AXDND1: variants seen among roughly 807,000 people sequenced by gnomAD.
AXDND1 encodes the protein axonemal dynein light chain domain containing 1.
A neutral mutation model predicts 137.5 loss-of-function variants in AXDND1; 110 were observed. That is an observed-to-expected ratio of 0.80 (90% CI 0.69 to 0.94). AXDND1 has a LOEUF of 0.94. Among genes scored for constraint, AXDND1 ranks in the 40% least tolerant of loss-of-function variants. The pLI is 0.00. For synonymous variants in AXDND1, 414 were observed against 399.7 expected (o/e 1.04, Z -0.43); for missense variants, 1,191 against 1,169.8 (o/e 1.02, Z -0.26).
intron 21 of AXDND1, among the ~76,000 whole-genome samples, chr1:179,514,636 A>G (rs931384648): frequency 1.3e-5 from 2 of 152,074 alleles, no homozygotes; most frequent in South Asian, 2.1e-4. Context: ...TTTTGTGTTG[A>G]TGTCCTGTCT....
rs2125708884 is a variant in AXDND1, at chr1:179,534,788, C to G, written c.2857C>G (p.Leu953Val). ...GAAGTTTGAAGATGCATATGAGAAACTTCATCATACCCTTATAAAAAATAA... is the reference window on the plus strand; with the variant it reads ...GAAGTTTGAAGATGCATATGAGAAAGTTCATCATACCCTTATAAAAAATAA... ...EEKFEDAYEK[L>V]HHTLIKNKDL... Residue 953 changes from leucine (L) to valine (V), a missense_variant, in exon 25 of 26, where the codon CTT (leucine) becomes GTT (valine). Leu to Val is a conservative substitution (Grantham distance 32). Coordinates refer to ENST00000367618, the MANE Select transcript of AXDND1 (RefSeq NM_144696.6). The G allele has an allele frequency of 2.5e-6, 4 of 1,603,082 alleles. No individual in the cohort carries two copies. The highest frequency in any genetic ancestry group is 3.4e-6 in the Non-Finnish European group (4 of 1,177,640).
chr1:179,461,392 C>T (rs531231866), intron 16 of AXDND1, among the ~76,000 whole-genome samples: 10 of 152,022 alleles, frequency 6.6e-5, no homozygotes, highest in Admixed American at 5.2e-4. Flanking sequence ...AGGGCTCTGT[C>T]CTGTTCCATT....
intron 21 of AXDND1, among the ~76,000 whole-genome samples, chr1:179,520,269 T>G (rs1043810901): frequency 6.6e-6 from 1 of 152,232 alleles, no homozygotes; most frequent in African/African-American, 2.4e-5. Context: ...GTTTATCAGC[T>G]TAAGAAGCTT....
At chr1:179,533,772 A>C in intron 23 of AXDND1, 23 bp from the exon 24 acceptor site, 1 of 1,554,688 alleles carries the variant, frequency 6.4e-7, no homozygotes, top group Non-Finnish European at 8.9e-7. Context: ...CAGTTCATTC[A>C]TATCTCATAT....
intron 20 of AXDND1, among the ~76,000 whole-genome samples, chr1:179,495,522 A>G (rs1667353017): frequency 6.6e-6 from 1 of 152,054 alleles, no homozygotes. Context: ...GGGTTTTAGT[A>G]CATTAATCTC....
chr1:179,445,070 T>G lies in AXDND1; in HGVS notation c.1664T>G (p.Ile555Ser). The G allele has an allele frequency of 6.2e-7, 1 of 1,613,476 alleles. No individual in the cohort carries two copies. Among genetic ancestry groups the G allele is most frequent in the Non-Finnish European group, 8.5e-7 (1 of 1,179,530 alleles). The stretch of plus-strand genomic sequence containing the variant: ...CATTTACAGGAAAACTGGGCAGATA[T>G]TGGGCTTGGGATATTTAATCGGCAT... ...IKHLQENWADIGLGIFNRHKS... is the reference protein window; with the variant it reads ...IKHLQENWADSGLGIFNRHKS... The change falls in exon 16 of 26, where the codon ATT (isoleucine) becomes AGT (serine). Residue 555 changes from isoleucine (I) to serine (S), a missense_variant. Transcript: ENST00000367618.
chr1:179,457,001 A>T (rs1285837228), intron 16 of AXDND1: 1 of 1,568,668 alleles, frequency 6.4e-7, no homozygotes, highest in Non-Finnish European at 8.7e-7. Context: ...GTCTTCTTTA[A>T]TGCCACCAAC....
rs560804394 is a variant in AXDND1 at position 179,457,553 on chromosome 1, A to G, written c.1799-10890A>G. Among the ~76,000 whole-genome samples the G allele has an allele frequency of 2.0e-5, 3 of 152,320 alleles. No homozygotes were observed. In the South Asian group the frequency reaches 6.2e-4, roughly 32 times the overall value. On this transcript the variant is annotated intron_variant, in intron 16 of 25. Transcript: ENST00000367618. The stretch of plus-strand genomic sequence containing the variant: ...TTGTTTGTGTTTCAGTTCTTTTTAC[A>G]TACTTAAATCTCACAAGACATTATT...
chr1:179,519,598 C>G (rs969411587), intron 21 of AXDND1, among the ~76,000 whole-genome samples: 2 of 152,180 alleles, frequency 1.3e-5, no homozygotes, highest in African/African-American at 4.8e-5. Flanking sequence ...TTTCAGTTTT[C>G]TCCATATGGC....
Position 179,426,327 on chromosome 1 carries a change from A to T in AXDND1, c.1231-3191A>T, listed in dbSNP as rs528744320. 2.0e-5 allele frequency among the ~76,000 whole-genome samples: 3 copies of T among 152,342 alleles called. No homozygotes were observed. In the East Asian group the frequency reaches 5.8e-4, roughly 29 times the overall value. ...AGTAGGCACAGACTATAAACAGATA[A>T]TTCAGAGTAAGAAATTCAAATAGCC... is the stretch of plus-strand genomic sequence containing the variant. On this transcript the variant is annotated intron_variant, in intron 12 of 25. Coordinates refer to ENST00000367618, the MANE Select transcript of AXDND1 (RefSeq NM_144696.6).
At chr1:179,448,055 G>T in intron 16 of AXDND1, 1 of 1,197,706 alleles carries the variant, frequency 8.3e-7, no homozygotes, top group Non-Finnish European at 1.2e-6. Flanking sequence ...TTCTGAGGTG[G>T]CAAACCAGGT....
intron 23 of AXDND1, 82 bp downstream of exon 23, chr1:179,528,513 C>A: frequency 1.1e-6 from 1 of 951,048 alleles, no homozygotes; most frequent in Non-Finnish European, 1.6e-6. Flanking sequence ...TAACTTTTAG[C>A]TACTCTAAGG....
intron 15 of AXDND1, among the ~76,000 whole-genome samples, chr1:179,442,305 G>T (rs12729906): frequency 0.65 from 98,544 of 151,994 alleles, 32,271 homozygotes; most frequent in Middle Eastern, 0.7. Flanking sequence ...CAGATTTTTA[G>T]ATTCAGCCTG....
chr1:179,399,088 A>G (rs1202801751), intron 11 of AXDND1, among the ~76,000 whole-genome samples: 2 of 152,170 alleles, frequency 1.3e-5, no homozygotes, highest in Admixed American at 6.5e-5. Context: ...TTCTGTGTAC[A>G]TGTACTCACA....
chr1:179,419,055 G>T (rs1262447876), intron 12 of AXDND1, among the ~76,000 whole-genome samples: 1 of 151,834 alleles, frequency 6.6e-6, no homozygotes, highest in Non-Finnish European at 1.5e-5. Flanking sequence ...TTCCTAGATG[G>T]GATGGCGGCG....
chr1:179,396,263 T>G (rs1651045457), intron 11 of AXDND1, among the ~76,000 whole-genome samples: 1 of 152,130 alleles, frequency 6.6e-6, no homozygotes, highest in Admixed American at 6.5e-5. Flanking sequence ...CCATTCTGCT[T>G]CTTCCCTCCC....
intron 23 of AXDND1, among the ~76,000 whole-genome samples, chr1:179,529,911 G>A (rs559307951): frequency 7.2e-5 from 11 of 152,278 alleles, no homozygotes; most frequent in African/African-American, 2.6e-4. Context: ...CCAAAGTGGT[G>A]CCTTGGGAGA....
In AXDND1 at chr1:179,491,683, T is replaced by G. The variant is rs1666914672; in HGVS notation, c.2237T>G (p.Leu746Arg). The G allele has an allele frequency of 6.2e-7, 1 of 1,606,918 alleles. No homozygotes were observed. Among genetic ancestry groups the G allele is most frequent in the African/African-American group, 1.3e-5 (1 of 74,640 alleles). The change falls in exon 19 of 26, where the codon CTA becomes CGA. Residue 746 changes from leucine to arginine, a missense_variant. By Grantham distance (102) the Leu-to-Arg change is moderately radical (BLOSUM62 -2). Transcript: ENST00000367618. ...KHDIGVARLE[L>R]DAIELTRKLY... Reference sequence around the variant, plus strand: ...GATATAGGAGTTGCGCGATTGGAGCTAGATGCGATTGAACTGACAAGGAAG... The same window carrying G: ...GATATAGGAGTTGCGCGATTGGAGCGAGATGCGATTGAACTGACAAGGAAG...
At chr1:179,418,741 G>A (rs1449589422) in intron 12 of AXDND1, among the ~76,000 whole-genome samples, 6 of 151,532 alleles carry the variant, frequency 4.0e-5, no homozygotes, top group Admixed American at 1.3e-4. Flanking sequence ...CCTCCCGGAC[G>A]GGGTGGCTGC....
Sources: gnomAD v4.1 joint callset for allele counts (sites outside exome capture counted in the v4.1 genomes callset) on GRCh38, gnomAD v4.1.1 for gene constraint, MANE v1.5 for transcripts, NCBI Gene and HGNC (gene_info 2026-07-23, HGNC 2026-07-21) for gene names.